RNF111: variants seen among roughly 807,000 people sequenced by gnomAD.
RNF111 encodes ring finger protein 111.
A neutral mutation model predicts 95.1 loss-of-function variants in RNF111; 17 were observed. That is an observed-to-expected ratio of 0.18 (90% confidence interval 0.12 to 0.27). The LOEUF (loss-of-function observed/expected upper bound fraction) is 0.27, where lower values mean the gene tolerates loss of function less well. Ranked by LOEUF, RNF111 falls within the 10% of genes least tolerant of loss-of-function variation. RNF111 has a pLI of 1.00. For synonymous variants in RNF111, 440 were observed against 414.8 expected, an observed-to-expected ratio of 1.06 and a Z score of -0.74; for missense variants, 1,189 against 1,210.4, an observed-to-expected ratio of 0.98 and a Z score of 0.26.
rs1328439218 is a variant in RNF111, at chr15:59,096,984, T to C, written c.*2084T>C. 6.6e-6 allele frequency: 1 copy of C among 152,240 alleles called. No individual in the cohort carries two copies. Among genetic ancestry groups the C allele is most frequent in the East Asian group, 1.9e-4 (1 of 5,206 alleles). 9.4% of individuals were successfully genotyped at this position (152,240 alleles called of 1,614,324 possible). On this transcript the variant is annotated 3_prime_UTR_variant, in exon 14 of 14. Coordinates refer to ENST00000348370, the MANE Select transcript of RNF111 (RefSeq NM_017610.8). ...ACCTGTTGACTTGTTTTATAATTGC[T>C]ACTGATTTTTTTAATGTAGGCAAAG...
chr15:58,999,643 G>A (rs2039238704), intron 1 of RNF111, among the ~76,000 whole-genome samples: 1 of 152,084 alleles, frequency 6.6e-6, no homozygotes, highest in Non-Finnish European at 1.5e-5. Flanking sequence ...GCCTATTACT[G>A]CAGTTTTAAA....
chr15:59,043,820 T>C (rs1156892931), intron 2 of RNF111, among the ~76,000 whole-genome samples: 1 of 152,194 alleles, frequency 6.6e-6, no homozygotes, highest in Non-Finnish European at 1.5e-5. Flanking sequence ...TGATAGTAAC[T>C]AGGCACCCAC....
chr15:59,015,404 T>G (rs1427001573), intron 1 of RNF111, among the ~76,000 whole-genome samples: 1 of 152,152 alleles, frequency 6.6e-6, no homozygotes, highest in Non-Finnish European at 1.5e-5. Context: ...TTAATAAAAA[T>G]GGAGATAATA....
chr15:59,084,897 C>T (rs1261510173), intron 9 of RNF111, among the ~76,000 whole-genome samples: 3 of 152,032 alleles, frequency 2.0e-5, no homozygotes, highest in Non-Finnish European at 2.9e-5. Flanking sequence ...GGGTTACTAC[C>T]AAAGTTGACT....
chr15:59,090,201 T>C (rs1302787558), intron 11 of RNF111, among the ~76,000 whole-genome samples: 1 of 136,854 alleles, frequency 7.3e-6, no homozygotes, highest in Non-Finnish European at 1.6e-5. Flanking sequence ...TTTGTTGTGG[T>C]TTGTTTTTTT....
intron 7 of RNF111, among the ~76,000 whole-genome samples, chr15:59,077,929 T>C (rs2078613585): frequency 6.6e-6 from 1 of 152,342 alleles, no homozygotes; most frequent in East Asian, 1.9e-4. Flanking sequence ...TCTCCCCAAC[T>C]TGCCCGTGCT....
chr15:59,058,272 T>C, intron 4 of RNF111, 84 bp from the exon 5 acceptor site: 2 of 1,110,464 alleles, frequency 1.8e-6, no homozygotes, highest in Non-Finnish European at 1.3e-6. Flanking sequence ...TATTTATTAA[T>C]TATAAACACA....
At chr15:59,090,746 C>A (rs1417471685) in intron 11 of RNF111, among the ~76,000 whole-genome samples, 1 of 152,108 alleles carries the variant, frequency 6.6e-6, no homozygotes, top group Non-Finnish European at 1.5e-5. Flanking sequence ...GATAAACAAC[C>A]ATTTGCCTTA....
At chr15:59,093,035 A>G (rs1249561068) in intron 13 of RNF111, among the ~76,000 whole-genome samples, 1 of 152,188 alleles carries the variant, frequency 6.6e-6, no homozygotes, top group Non-Finnish European at 1.5e-5. Flanking sequence ...CTGGAAACCA[A>G]ATAAAGATTA....
Position 59,067,027 on chromosome 15 carries a change from C to A in RNF111, c.1630C>A (p.Gln544Lys). 6.2e-7 allele frequency: 1 copy of A among 1,614,126 alleles called. No homozygotes were observed. Among genetic ancestry groups the A allele is most frequent in the Non-Finnish European group, 8.5e-7 (1 of 1,180,016 alleles). Residue 544 changes from glutamine (Q) to lysine (K), a missense_variant, in exon 6 of 14, where the codon CAA (glutamine) becomes AAA (lysine). Physicochemically the swap from Gln to Lys is moderately conservative, Grantham distance 53. Coordinates refer to ENST00000348370, the MANE Select transcript of RNF111 (RefSeq NM_017610.8). ...DPACPVERPP[Q>K]VQAPCGANSS... is the part of the protein sequence containing the mutation. ...TGCTTGCCCTGTGGAAAGACCTCCA[C>A]AAGTACAAGCACCTTGTGGAGCAAA...
intron 10 of RNF111, among the ~76,000 whole-genome samples, chr15:59,086,463 G>T (rs1319793396): frequency 6.6e-6 from 1 of 152,170 alleles, no homozygotes; most frequent in African/African-American, 2.4e-5. Context: ...CTCTACATCT[G>T]ATTTAAGCAG....
At chr15:59,078,907 C>A (rs748821264) in intron 7 of RNF111, among the ~76,000 whole-genome samples, 3 of 150,994 alleles carry the variant, frequency 2.0e-5, no homozygotes, top group Admixed American at 6.6e-5. Flanking sequence ...AGGCTACTTA[C>A]GATTAATCAT....
At chr15:59,020,148 T>A (rs1347192619) in intron 1 of RNF111, among the ~76,000 whole-genome samples, 2 of 148,732 alleles carry the variant, frequency 1.3e-5, no homozygotes, top group Non-Finnish European at 3.0e-5. Context: ...ATATGTTAGA[T>A]ATATAAAATT....
At chr15:58,995,081 A>G (rs2038998641) in intron 1 of RNF111, among the ~76,000 whole-genome samples, 1 of 152,128 alleles carries the variant, frequency 6.6e-6, no homozygotes, top group Non-Finnish European at 1.5e-5. Context: ...AGTGCACCTA[A>G]TAAGCAATCT....
At chr15:59,006,312 A>G (rs1230669022) in intron 1 of RNF111, among the ~76,000 whole-genome samples, 1 of 152,242 alleles carries the variant, frequency 6.6e-6, no homozygotes, top group African/African-American at 2.4e-5. Context: ...ATCAGGACAT[A>G]AAACATTCCA....
chr15:59,019,170 C>G (rs2040214263), intron 1 of RNF111, among the ~76,000 whole-genome samples: 1 of 149,008 alleles, frequency 6.7e-6, no homozygotes, highest in South Asian at 2.1e-4. Flanking sequence ...AACCCCTGGG[C>G]TCAAGTGATC....
chr15:59,039,453 A>G lies in RNF111; in HGVS notation c.880+7751A>G, dbSNP rs114632252. Among the ~76,000 whole-genome samples, 742 of 152,324 alleles carry G rather than the reference A, an allele frequency of 4.9e-3. 8 individuals carry two copies. The highest frequency in any genetic ancestry group is 0.017 in the African/African-American group (724 of 41,584). ...TGACTTAGTTGTTCTAGCAGCATCC[A>G]AAGAGGTTTTTTCACTTTTGAGTAT... On this transcript the variant is annotated intron_variant, in intron 2 of 13. Transcript: ENST00000348370.
intron 2 of RNF111, 89 bp downstream of exon 2, chr15:59,031,791 A>G: frequency 2.6e-6 from 3 of 1,152,604 alleles, no homozygotes; most frequent in Non-Finnish European, 3.7e-6. Context: ...ATTTTATTTA[A>G]AGGGACTATC....
Position 59,055,686 on chromosome 15 carries a change from C to T in RNF111, c.1012C>T (p.Arg338Cys), listed in dbSNP as rs1472407652. The T allele has an allele frequency of 1.9e-6, 3 of 1,605,486 alleles. No individual in the cohort carries two copies. The highest frequency in any genetic ancestry group is 1.7e-5 in the Admixed American group (1 of 58,784). The change falls in exon 4 of 14, where the codon CGT (arginine) becomes TGT (cysteine). Residue 338 changes from arginine (R) to cysteine (C), a missense_variant. Arg to Cys is a radical substitution (Grantham distance 180). Transcript: ENST00000348370. ...TTAATATTGATGTCATTTAAGGTCT[C>T]GTTCAACCCTTGGACACTCCAGATC... Reference protein sequence around the residue: ...IVTVGESYRSRSTLGHSRSHW... With the variant: ...IVTVGESYRSCSTLGHSRSHW...
Sources: gnomAD v4.1 joint callset for allele counts (sites outside exome capture counted in the v4.1 genomes callset) on GRCh38, gnomAD v4.1.1 for gene constraint, MANE v1.5 for transcripts, NCBI Gene and HGNC (gene_info 2026-07-23, HGNC 2026-07-21) for gene names.